The following SYNDIG1L variants were observed in gnomAD, a reference collection of about 807,000 sequenced individuals.
SYNDIG1L encodes the protein synapse differentiation inducing 1 like.
SYNDIG1L carries 13 observed loss-of-function variants against 20.1 expected under a neutral mutation model. The observed-to-expected ratio is 0.65, with a 90% CI of 0.42 to 1.03. SYNDIG1L has a LOEUF of 1.03. Among genes scored for constraint, SYNDIG1L ranks in the 50% least tolerant of loss-of-function variants. The pLI, the probability that SYNDIG1L is intolerant of heterozygous loss-of-function variation, is 0.00. For synonymous variants in SYNDIG1L, 128 were observed against 129.3 expected (o/e 0.99, Z 0.07); for missense variants, 294 against 305.1 (o/e 0.96, Z 0.27).
chr14:74,466,330 C>T, the SYNDIG1L span, among the ~76,000 whole-genome samples: 20 of 152,202 alleles, frequency 1.3e-4, no homozygotes, highest in Non-Finnish European at 2.5e-4. Context: ...TCCATGGATA[C>T]TGGTTGGGTG....
chr14:74,409,269 A>C, intron 2 of SYNDIG1L, 59 bp downstream of exon 2: 2 of 1,209,314 alleles, frequency 1.7e-6, no homozygotes, highest in Admixed American at 2.8e-5. Context: ...TTTTTTGTAG[A>C]GTCGGGGTCT....
the SYNDIG1L span, among the ~76,000 whole-genome samples, chr14:74,445,468 G>A: frequency 1.3e-5 from 2 of 151,774 alleles, no homozygotes; most frequent in East Asian, 3.9e-4. Flanking sequence ...GTGTGTGTGT[G>A]TGTGTGTGTG....
chr14:74,475,448 A>T, the SYNDIG1L span, among the ~76,000 whole-genome samples: 10 of 150,794 alleles, frequency 6.6e-5, no homozygotes, highest in Non-Finnish European at 1.3e-4. Flanking sequence ...GCTTGTATTT[A>T]ACATTTTAAA....
At chr14:74,410,301 G>C (rs913989726) in intron 1 of SYNDIG1L, among the ~76,000 whole-genome samples, 1 of 152,196 alleles carries the variant, frequency 6.6e-6, no homozygotes, top group African/African-American at 2.4e-5. Context: ...GGAAGAGTGT[G>C]GGTCAATGAG....
the SYNDIG1L span, among the ~76,000 whole-genome samples, chr14:74,433,264 C>T: frequency 6.6e-6 from 1 of 152,064 alleles, no homozygotes. Context: ...AATTTGGTAC[C>T]CTGTATCAAG....
chr14:74,470,225 T>C, the SYNDIG1L span, among the ~76,000 whole-genome samples: 1 of 152,144 alleles, frequency 6.6e-6, no homozygotes, highest in African/African-American at 2.4e-5. Flanking sequence ...CACTCTGTTC[T>C]ATTTGACTTA....
chr14:74,406,091 C>G lies in SYNDIG1L; in HGVS notation c.*1444G>C. On this transcript the variant is annotated 3_prime_UTR_variant, in exon 4 of 4. Transcript: ENST00000331628. ...AATGACCAGGTTCCCACATCATGCA[C>G]AGCAGGGGCCTGTAGCTTGAGTCCA... is the stretch of plus-strand genomic sequence containing the variant. 2.5e-6 allele frequency: 1 copy of G among 398,680 alleles called. No homozygotes were observed. Among genetic ancestry groups the G allele is most frequent in the South Asian group, 1.3e-4 (1 of 7,856 alleles). The allele number at this position is 398,680 out of a possible 1,614,324, so 24.7% of individuals were successfully genotyped here. A position where few individuals can be genotyped will look rare whatever the true frequency, so the allele number is the denominator to read the frequency against.
the SYNDIG1L span, among the ~76,000 whole-genome samples, chr14:74,437,307 C>G: frequency 4.6e-5 from 7 of 152,204 alleles, no homozygotes; most frequent in Non-Finnish European, 8.8e-5. Flanking sequence ...TGTAGCCCCT[C>G]TTTTCCTCCT....
chr14:74,465,987 G>A, the SYNDIG1L span, among the ~76,000 whole-genome samples: 1 of 152,214 alleles, frequency 6.6e-6, no homozygotes, highest in African/African-American at 2.4e-5. Context: ...CAAGAGGAAG[G>A]CCAGCAGCAG....
At chr14:74,428,367 T>C (rs2086281396), upstream of SYNDIG1L, among the ~76,000 whole-genome samples, 1 of 152,248 alleles carries the variant, frequency 6.6e-6, no homozygotes, top group Non-Finnish European at 1.5e-5. Flanking sequence ...ATGCAAAGTT[T>C]CCATTCTTTT....
At position 74,407,531 on chromosome 14, in the gene SYNDIG1L, G is replaced by A. The variant is rs780402375; in HGVS notation, c.*4C>T. On this transcript the variant is annotated 3_prime_UTR_variant, in exon 4 of 4. Coordinates refer to ENST00000331628, the MANE Select transcript of SYNDIG1L (RefSeq NM_001105579.2). Reference sequence around the variant, plus strand: ...GGGAGTCAGGATGCAGGCCCTACTGGCTACTAGCCATGACCGTTCTGGGAC... The same window carrying A: ...GGGAGTCAGGATGCAGGCCCTACTGACTACTAGCCATGACCGTTCTGGGAC... 6.2e-7 allele frequency: 1 copy of A among 1,613,524 alleles called. No homozygotes were observed. The highest frequency in any genetic ancestry group is 1.7e-5 in the Admixed American group (1 of 60,006).
the SYNDIG1L span, among the ~76,000 whole-genome samples, chr14:74,440,073 T>G: frequency 6.6e-6 from 1 of 151,922 alleles, no homozygotes; most frequent in Non-Finnish European, 1.5e-5. Context: ...CATGGCATTA[T>G]TTTTGGCCTT....
At chr14:74,453,392 GAA>G in the SYNDIG1L span, among the ~76,000 whole-genome samples, 1 of 56,864 alleles carries the variant, frequency 1.8e-5, no homozygotes, top group African/African-American at 5.7e-5. Flanking sequence ...AAAAAAAAAA[GAA>G]GAAGAAGAAG....
the SYNDIG1L span, chr14:74,474,309 C>A: frequency 0.23 from 34,379 of 152,092 alleles, 4,316 homozygotes; most frequent in African/African-American, 0.33. Flanking sequence ...CCCACCTTGA[C>A]AGGAGATGGT....
intron 1 of SYNDIG1L, among the ~76,000 whole-genome samples, chr14:74,422,896 G>A (rs1595199469): frequency 6.6e-6 from 1 of 151,666 alleles, no homozygotes; most frequent in Non-Finnish European, 1.5e-5. Context: ...TGGGGGTTTC[G>A]CCATGTTGGC....
At chr14:74,436,286 A>G in the SYNDIG1L span, among the ~76,000 whole-genome samples, 1 of 150,168 alleles carries the variant, frequency 6.7e-6, no homozygotes, top group African/African-American at 2.5e-5. Context: ...TGGAGTGCAG[A>G]GGTGCCATCA....
Position 74,407,382 on chromosome 14 carries a change from G to T in SYNDIG1L, c.*153C>A. ...GCGGGCAAGCAGAAGTGAAGGCTGAGCTCTGCAGGCTGTGGAATGGGGGTC... is the reference window on the plus strand; with the variant it reads ...GCGGGCAAGCAGAAGTGAAGGCTGATCTCTGCAGGCTGTGGAATGGGGGTC... On this transcript the variant is annotated 3_prime_UTR_variant, in exon 4 of 4. Coordinates refer to ENST00000331628, the MANE Select transcript of SYNDIG1L (RefSeq NM_001105579.2). The T allele has an allele frequency of 9.1e-7, 1 of 1,095,544 alleles. No individual in the cohort carries two copies. The highest frequency in any genetic ancestry group is 1.3e-6 in the Non-Finnish European group (1 of 771,508). 67.9% of individuals were successfully genotyped at this position (1,095,544 alleles called of 1,614,324 possible).
At chr14:74,417,647 A>G (rs1473205978) in intron 1 of SYNDIG1L, among the ~76,000 whole-genome samples, 1 of 152,044 alleles carries the variant, frequency 6.6e-6, no homozygotes, top group African/African-American at 2.4e-5. Context: ...CAGTGGAGAG[A>G]CTGGATTTGA....
rs541607278 is a variant in SYNDIG1L, at chr14:74,407,606, C to A, written c.646G>T (p.Val216Leu). The change falls in exon 4 of 4, where the codon GTG becomes TTG. Residue 216 changes from valine (V) to leucine (L), a missense_variant. By Grantham distance (32) the Val-to-Leu change is conservative. Transcript: ENST00000331628. ...ACAGCCACGTAGAGACCGGCCCCCA[C>A]GGCGATGGCGAGTGTGGCTAGGAAG... ...ALFLATLAIA[V>L]GAGLYVAVVV... 2.0e-5 allele frequency: 33 copies of A among 1,614,026 alleles called. No individual in the cohort carries two copies. In the East Asian group the frequency reaches 6.0e-4, roughly 29 times the overall value.
Sources: gnomAD v4.1 joint callset for allele counts (sites outside exome capture counted in the v4.1 genomes callset) on GRCh38, gnomAD v4.1.1 for gene constraint, MANE v1.5 for transcripts, NCBI Gene and HGNC (gene_info 2026-07-23, HGNC 2026-07-21) for gene names.